The following PAX7 variants were observed in gnomAD, a reference collection of about 807,000 sequenced individuals.
PAX7 encodes the protein paired box 7.
A neutral mutation model predicts 50.7 loss-of-function variants in PAX7; 18 were observed. The ratio of observed to expected loss-of-function variants is 0.36; its 90% confidence interval spans 0.25 to 0.53. The LOEUF is 0.53. Ranked by LOEUF, PAX7 falls within the 20% of genes least tolerant of loss-of-function variation. The pLI, the probability that PAX7 is intolerant of heterozygous loss-of-function variation, is 0.93. For missense variants in PAX7, 644 were observed against 702.9 expected, an observed-to-expected ratio of 0.92 and a Z score of 0.95; for synonymous variants, 310 against 290.4, an observed-to-expected ratio of 1.07 and a Z score of -0.69.
rs1307979175 is a variant in PAX7 at position 18,724,418 on chromosome 1, G to A, written c.1156-11214G>A. ...CCCCAACACAGCCAAGGCACACTGC[G>A]GGCATGGTAGCTCAAACCCTCTCTG... On this transcript the variant is annotated intron_variant, in intron 7 of 8. Transcript: ENST00000420770. 8.5e-5 allele frequency among the ~76,000 whole-genome samples: 13 copies of A among 152,330 alleles called. No individual in the cohort carries two copies. The East Asian group carries it at 1.5e-3, about 18-fold the overall frequency.
intron 4 of PAX7, among the ~76,000 whole-genome samples, chr1:18,689,394 G>A (rs2100290213): frequency 6.6e-6 from 1 of 152,206 alleles, no homozygotes; most frequent in South Asian, 2.1e-4. Flanking sequence ...GGGGGGCTGG[G>A]TAACTGGAAG....
At chr1:18,667,829 A>G (rs559828601) in intron 4 of PAX7, among the ~76,000 whole-genome samples, 1 of 152,134 alleles carries the variant, frequency 6.6e-6, no homozygotes. Context: ...TGAAGGTCCA[A>G]TCTTTGCTTT....
chr1:18,686,902 A>ATTTT (rs761030675), intron 4 of PAX7, among the ~76,000 whole-genome samples: 1 of 149,060 alleles, frequency 6.7e-6, no homozygotes, highest in Non-Finnish European at 1.5e-5. Context: ...TATTATTATT[A>ATTTT]TTTTTTGAGA....
chr1:18,721,654 G>A (rs1326476984), intron 7 of PAX7, among the ~76,000 whole-genome samples: 1 of 152,224 alleles, frequency 6.6e-6, no homozygotes, highest in African/African-American at 2.4e-5. Flanking sequence ...CCTCTGGGGA[G>A]CCCCACACAC....
At chr1:18,676,318 C>T (rs1185531863) in intron 4 of PAX7, among the ~76,000 whole-genome samples, 1 of 151,702 alleles carries the variant, frequency 6.6e-6, no homozygotes, top group African/African-American at 2.4e-5. Flanking sequence ...TGCCTGGGAA[C>T]GGCCCATCCA....
chr1:18,631,229 C>A lies in PAX7; in HGVS notation c.-375C>A, dbSNP rs1301352079. ...TGGCGGCCTCGATTCCGGCCGCGTT[C>A]CCCCGGCCCCCCTCCGCCGCGGGGC... On this transcript the variant is annotated 5_prime_UTR_variant, in exon 1 of 9. Coordinates refer to ENST00000420770, the MANE Select transcript of PAX7 (RefSeq NM_001135254.2). 3 of 247,150 alleles carry A rather than the reference C, an allele frequency of 1.2e-5. No homozygotes were observed. In the Admixed American group the frequency reaches 1.6e-4, roughly 13 times the overall value. 15.3% of individuals were successfully genotyped at this position (247,150 alleles called of 1,614,324 possible).
intron 4 of PAX7, among the ~76,000 whole-genome samples, chr1:18,666,420 A>G (rs1430469084): frequency 6.6e-6 from 1 of 152,178 alleles, no homozygotes; most frequent in East Asian, 1.9e-4. Flanking sequence ...GTTGTCAGGG[A>G]AGGAGGTGGC....
At chr1:18,645,313 T>G (rs1007196161) in intron 4 of PAX7, among the ~76,000 whole-genome samples, 1 of 152,214 alleles carries the variant, frequency 6.6e-6, no homozygotes, top group South Asian at 2.1e-4. Flanking sequence ...CTGCGGAGCC[T>G]CTTGCCTTCA....
intron 4 of PAX7, among the ~76,000 whole-genome samples, chr1:18,668,116 C>A (rs911914430): frequency 6.6e-6 from 1 of 152,058 alleles, no homozygotes; most frequent in Non-Finnish European, 1.5e-5. Context: ...CAAGATGCAC[C>A]ACAGCCCCAT....
chr1:18,748,568 AG>A lies in PAX7; in HGVS notation c.*3640del, dbSNP rs1931545700. On this transcript the variant is annotated 3_prime_UTR_variant, in exon 9 of 9. Transcript: ENST00000420770. ...TCCCTGACCTGGGAAATATTTACAT[AG>A]TACTCTAGATCATTCCTTCTTCCTA... is the stretch of plus-strand genomic sequence containing the variant. 1 of 231,236 alleles carries A rather than the reference AG, an allele frequency of 4.3e-6. No homozygotes were observed. Among genetic ancestry groups the A allele is most frequent in the African/African-American group, 2.2e-5 (1 of 45,178 alleles). 14.3% of individuals were successfully genotyped at this position (231,236 alleles called of 1,614,324 possible).
intron 7 of PAX7, among the ~76,000 whole-genome samples, chr1:18,725,007 G>A (rs2100379214): frequency 6.6e-6 from 1 of 152,340 alleles, no homozygotes; most frequent in Non-Finnish European, 1.5e-5. Flanking sequence ...AGTAGGTGAT[G>A]GGCACATAGT....
At position 18,663,465 on chromosome 1, in the gene PAX7, C is replaced by T. The variant is rs56844019; in HGVS notation, c.586+27094C>T. On this transcript the variant is annotated intron_variant, in intron 4 of 8. Transcript: ENST00000420770. ...TGGCATGATCTCAGCTCATTGCAAC[C>T]TCTGCCTCCCATGTTCAAACGATTC... 8.9e-4 allele frequency among the ~76,000 whole-genome samples: 136 copies of T among 152,356 alleles called. 5 individuals carry two copies. In the East Asian group the frequency reaches 0.024, roughly 27 times the overall value.
intron 4 of PAX7, among the ~76,000 whole-genome samples, chr1:18,650,952 G>T (rs1180174865): frequency 6.6e-6 from 1 of 152,106 alleles, no homozygotes; most frequent in Non-Finnish European, 1.5e-5. Context: ...ACTCCTGCTT[G>T]TGCCATGGAT....
At chr1:18,644,200 G>T (rs922413486) in intron 4 of PAX7, among the ~76,000 whole-genome samples, 2 of 152,160 alleles carry the variant, frequency 1.3e-5, no homozygotes, top group Non-Finnish European at 1.5e-5. Context: ...CCAGCCCCCC[G>T]CGGCTGTGTT....
Position 18,636,169 on chromosome 1 carries a change from G to A in PAX7, c.452-68G>A, listed in dbSNP as rs115941698. ...GGGGCTTCCTGACTTTCTCCCAGGG[G>A]CCCAGGCCACCGCTCGCTCCTCTGC... On this transcript the variant is annotated intron_variant, in intron 3 of 8. Transcript: ENST00000420770. The surrounding 1 kb of genome is among the most constrained non-coding windows in gnomAD (Gnocchi z 5.1). The A allele has an allele frequency of 9.6e-6, 15 of 1,555,424 alleles. No individual in the cohort carries two copies. The highest frequency in any genetic ancestry group is 2.0e-4 in the Middle Eastern group (1 of 5,010).
chr1:18,640,527 G>A (rs1174701689), intron 4 of PAX7, among the ~76,000 whole-genome samples: 1 of 151,954 alleles, frequency 6.6e-6, no homozygotes, highest in East Asian at 1.9e-4. Context: ...GGGAGGGGAC[G>A]AGGATAGTCC....
Position 18,637,079 on chromosome 1 carries a change from A to C in PAX7, c.586+708A>C, listed in dbSNP as rs530322135. On this transcript the variant is annotated intron_variant, in intron 4 of 8. Coordinates refer to ENST00000420770, the MANE Select transcript of PAX7 (RefSeq NM_001135254.2). ...CCCAGGCTCCACACACCCTCTCCCC[A>C]TTCTTAGCACGGCTTCCGCGGGCAG... is the stretch of plus-strand genomic sequence containing the variant. Among the ~76,000 whole-genome samples, 4 of 152,210 alleles carry C rather than the reference A, an allele frequency of 2.6e-5. No individual in the cohort carries two copies. The East Asian group carries it at 7.8e-4, about 30-fold the overall frequency.
intron 4 of PAX7, among the ~76,000 whole-genome samples, chr1:18,658,882 A>G (rs1053417709): frequency 2.6e-5 from 4 of 152,246 alleles, no homozygotes; most frequent in Non-Finnish European, 5.9e-5. Flanking sequence ...CAAACAAGCC[A>G]GGGTTATGCA....
intron 7 of PAX7, among the ~76,000 whole-genome samples, chr1:18,728,697 T>TA (rs552854863): frequency 0.42 from 55,265 of 131,574 alleles, 11,389 homozygotes; most frequent in Middle Eastern, 0.51. Context: ...CCCATTCTAC[T>TA]AAAAAAAAAA....
Sources: allele counts gnomAD v4.1 joint callset (sites outside exome capture counted in the v4.1 genomes callset), GRCh38; gene constraint gnomAD v4.1.1; non-coding constraint Gnocchi (gnomAD v3.1); transcripts MANE v1.5; gene names NCBI Gene and HGNC (gene_info 2026-07-23, HGNC 2026-07-21).